Variants in P2RX7 observed in about 807,000 individuals in gnomAD.
The protein encoded by P2RX7 is purinergic receptor P2X 7.
Under a neutral mutation model 71.6 loss-of-function variants are expected in P2RX7, and 62 were observed. The ratio of observed to expected loss-of-function variants is 0.87; its 90% CI spans 0.71 to 1.07. The LOEUF (loss-of-function observed/expected upper bound fraction) is 1.07. Among genes scored for constraint, P2RX7 ranks in the 50% least tolerant of loss-of-function variants. P2RX7 has a pLI of 0.00. For missense variants in P2RX7, 686 were observed against 748.5 expected (o/e 0.92, Z 0.97); for synonymous variants, 299 against 283.3 (o/e 1.06, Z -0.56).
At chr12:121,135,122 CG>C (rs1035325471) in intron 1 of P2RX7, among the ~76,000 whole-genome samples, 1 of 151,870 alleles carries the variant, frequency 6.6e-6, no homozygotes, top group Non-Finnish European at 1.5e-5. Context: ...GGGTGGATCA[CG>C]AAGTCAGGAG....
chr12:121,148,599 A>G (rs548871610), intron 1 of P2RX7, among the ~76,000 whole-genome samples: 13 of 152,242 alleles, frequency 8.5e-5, no homozygotes, highest in African/African-American at 2.6e-4. Flanking sequence ...CCAAAACTGC[A>G]AAAGAATAAA....
intron 12 of P2RX7, among the ~76,000 whole-genome samples, chr12:121,182,644 T>A (rs1169649834): frequency 6.6e-6 from 1 of 152,184 alleles, no homozygotes; most frequent in African/African-American, 2.4e-5. Context: ...GCACTTACCA[T>A]GAATGGAGCT....
At position 121,167,636 on chromosome 12, in the gene P2RX7, G is replaced by T. The variant is rs533415434; in HGVS notation, c.881+12G>T. 6.5e-7 allele frequency: 1 copy of T among 1,534,860 alleles called. No individual in the cohort carries two copies. The highest frequency in any genetic ancestry group is 1.2e-5 in the South Asian group (1 of 80,276). On this transcript the variant is annotated intron_variant, in intron 8 of 12. Transcript: ENST00000328963. ...GGCTACAACTTCAGGTAACTCCAAG[G>T]CCCAGGTCAAACTCACCCAGTGGCT...
intron 7 of P2RX7, among the ~76,000 whole-genome samples, chr12:121,167,198 G>A (rs1176186686): frequency 6.6e-6 from 1 of 151,964 alleles, no homozygotes; most frequent in Non-Finnish European, 1.5e-5. Flanking sequence ...TAATGGGGGC[G>A]TGGGGGGCAT....
chr12:121,149,564 T>C lies in P2RX7; in HGVS notation c.126-5221T>C, dbSNP rs1876972776. ...CTTACTCACTATCACGAGAACAGTATGGGGGAAACTGCCCCCATGATTCAA... is the reference window on the plus strand; with the variant it reads ...CTTACTCACTATCACGAGAACAGTACGGGGGAAACTGCCCCCATGATTCAA... On this transcript the variant is annotated intron_variant, in intron 1 of 12. Transcript: ENST00000328963. This position sits in a 1 kb window ranked among gnomAD's most constrained non-coding sequence, Gnocchi z 4.7. Among the ~76,000 whole-genome samples, 1 of 152,140 alleles carries C rather than the reference T, an allele frequency of 6.6e-6. No homozygotes were observed. The highest frequency in any genetic ancestry group is 2.4e-5 in the African/African-American group (1 of 41,436).
At chr12:121,155,543 C>T (rs1243268210) in intron 2 of P2RX7, among the ~76,000 whole-genome samples, 2 of 151,922 alleles carry the variant, frequency 1.3e-5, no homozygotes, top group African/African-American at 2.4e-5. Context: ...GATAAGGGGG[C>T]GAGAGGGACA....
chr12:121,165,300 AT>A, intron 5 of P2RX7, 56 bp from the exon 6 acceptor site: 4 of 1,400,306 alleles, frequency 2.9e-6, no homozygotes, highest in Non-Finnish European at 4.1e-6. Context: ...CCACTGGCCC[AT>A]GGGCTCCCTC....
intron 5 of P2RX7, 139 bp downstream of exon 5, chr12:121,162,659 G>A: frequency 1.1e-6 from 1 of 890,864 alleles, no homozygotes; most frequent in African/African-American, 1.7e-5. Flanking sequence ...CCTGCGCTCT[G>A]GATGCACTGC....
rs1879541767 is a variant in P2RX7 at position 121,160,927 on chromosome 12, C to T, written c.389C>T (p.Ser130Phe). ...PEYPTRRTLC[S>F]SDRGCKKGWM... The stretch of plus-strand genomic sequence containing the variant: ...TATCCCACCCGCAGGACGCTCTGTT[C>T]CTCTGACCGAGGTTGTAAAAAGGGA... The change falls in exon 4 of 13, where the codon TCC becomes TTC. Residue 130 changes from serine (S) to phenylalanine (F), a missense_variant. Ser to Phe is a radical substitution (Grantham distance 155, BLOSUM62 -2). Transcript: ENST00000328963. 1 of 1,614,024 alleles carries T rather than the reference C, an allele frequency of 6.2e-7. No individual in the cohort carries two copies. The highest frequency in any genetic ancestry group is 1.3e-5 in the African/African-American group (1 of 75,042).
chr12:121,141,540 C>G (rs1489264087), intron 1 of P2RX7, among the ~76,000 whole-genome samples: 1 of 152,218 alleles, frequency 6.6e-6, no homozygotes, highest in African/African-American at 2.4e-5. Flanking sequence ...GCGCCTTGAG[C>G]TGCATCCCAC....
chr12:121,133,134 G>C (rs200036506), intron 1 of P2RX7, 39 bp downstream of exon 1: 6 of 1,612,428 alleles, frequency 3.7e-6, no homozygotes, highest in African/African-American at 1.3e-5. Flanking sequence ...CTCTGCAGTG[G>C]CCGACAGCAC....
chr12:121,149,569 GA>G lies in P2RX7; in HGVS notation c.126-5213del. Among the ~76,000 whole-genome samples, 1 of 152,258 alleles carries G rather than the reference GA, an allele frequency of 6.6e-6. No homozygotes were observed. The highest frequency in any genetic ancestry group is 1.9e-4 in the East Asian group (1 of 5,182). On this transcript the variant is annotated intron_variant, in intron 1 of 12. Coordinates refer to ENST00000328963, the MANE Select transcript of P2RX7 (RefSeq NM_002562.6). The surrounding 1 kb of genome is among the most constrained non-coding windows in gnomAD (Gnocchi z 4.7). ...TCACTATCACGAGAACAGTATGGGG[GA>G]AACTGCCCCCATGATTCAATTATCT...
chr12:121,177,565 G>A, intron 11 of P2RX7, 119 bp downstream of exon 11: 1 of 955,426 alleles, frequency 1.0e-6, no homozygotes, highest in Non-Finnish European at 1.6e-6. Context: ...ACGTCGCTGG[G>A]TTCTACCCCG....
chr12:121,171,643 G>A (rs1882212015), intron 8 of P2RX7, among the ~76,000 whole-genome samples: 2 of 151,898 alleles, frequency 1.3e-5, no homozygotes, highest in Non-Finnish European at 2.9e-5. Context: ...TATCTTATTT[G>A]GGGGCTCAAC....
intron 3 of P2RX7, among the ~76,000 whole-genome samples, chr12:121,156,773 A>AC (rs1878658506): frequency 6.6e-6 from 1 of 151,860 alleles, no homozygotes; most frequent in Non-Finnish European, 1.5e-5. Flanking sequence ...CCCTGCCACC[A>AC]CCCCAGACAA....
chr12:121,133,303 CG>C (rs1414165791), intron 1 of P2RX7, among the ~76,000 whole-genome samples: 3 of 152,178 alleles, frequency 2.0e-5, no homozygotes, highest in African/African-American at 7.2e-5. Context: ...ACAGGACAAG[CG>C]GGATTCCTTT....
In P2RX7 at chr12:121,156,160, C is replaced by T. The variant is rs1441227461; in HGVS notation, c.363+13C>T. 1.9e-6 allele frequency: 3 copies of T among 1,611,256 alleles called. No individual in the cohort carries two copies. The highest frequency in any genetic ancestry group is 1.1e-5 in the South Asian group (1 of 91,022). On this transcript the variant is annotated intron_variant, in intron 3 of 12. Coordinates refer to ENST00000328963, the MANE Select transcript of P2RX7 (RefSeq NM_002562.6). ...GTTGTGTCCCGAGGTAAGGAGGGGACCTGGAGTGGTGGGTCAGGTCTTAAG... is the reference window on the plus strand; with the variant it reads ...GTTGTGTCCCGAGGTAAGGAGGGGATCTGGAGTGGTGGGTCAGGTCTTAAG...
intron 12 of P2RX7, among the ~76,000 whole-genome samples, chr12:121,182,704 T>C (rs1884331608): frequency 6.6e-6 from 1 of 152,218 alleles, no homozygotes; most frequent in Non-Finnish European, 1.5e-5. Context: ...TGAGTGAATG[T>C]GAAAGCCTAG....
In P2RX7 at chr12:121,160,935, C is replaced by G. The variant is rs200430009; in HGVS notation, c.397C>G (p.Arg133Gly). The part of the protein sequence containing the change: ...PTRRTLCSSD[R>G]GCKKGWMDPQ... ...CCGCAGGACGCTCTGTTCCTCTGAC[C>G]GAGGTTGTAAAAAGGGATGGATGGA... The change falls in exon 4 of 13, where the codon CGA becomes GGA. Residue 133 changes from arginine (R) to glycine (G), a missense_variant. Transcript: ENST00000328963. 1 of 1,613,974 alleles carries G rather than the reference C, an allele frequency of 6.2e-7. No individual in the cohort carries two copies. The highest frequency in any genetic ancestry group is 8.5e-7 in the Non-Finnish European group (1 of 1,179,902).
Sources: gnomAD v4.1 joint callset for allele counts (sites outside exome capture counted in the v4.1 genomes callset) on GRCh38, gnomAD v4.1.1 for gene constraint, Gnocchi (gnomAD v3.1) non-coding constraint, MANE v1.5 for transcripts, NCBI Gene and HGNC (gene_info 2026-07-23, HGNC 2026-07-21) for gene names.